Variants in CAPRIN1 observed in about 807,000 individuals in gnomAD.
CAPRIN1 encodes the protein caprin-1.
Under a neutral mutation model 100.9 loss-of-function variants are expected in CAPRIN1, and 29 were observed. The observed-to-expected ratio is 0.29, with a 90% CI of 0.21 to 0.39. The LOEUF (loss-of-function observed/expected upper bound fraction) is 0.39. CAPRIN1 is among the 10% of genes least tolerant of loss of function. CAPRIN1 has a pLI of 1.00. For missense variants in CAPRIN1, 795 were observed against 876.7 expected (o/e 0.91, Z 1.18); for synonymous variants, 338 against 307.5 (o/e 1.10, Z -1.04).
At chr11:34,079,928 T>G (rs1435857698) in intron 7 of CAPRIN1, among the ~76,000 whole-genome samples, 163 bp downstream of exon 7, 1 of 32,594 alleles carries the variant, frequency 3.1e-5, no homozygotes, top group African/African-American at 1.1e-4. Flanking sequence ...TTTTTTTTTT[T>G]TTTTTTTTTT....
At chr11:34,070,744 C>G (rs980909496) in intron 2 of CAPRIN1, among the ~76,000 whole-genome samples, 2 of 151,166 alleles carry the variant, frequency 1.3e-5, no homozygotes, top group African/African-American at 2.4e-5. Context: ...CTCTTGTTGC[C>G]CAGGCTGGAG....
rs753864151 is a variant in CAPRIN1 at position 34,090,268 on chromosome 11, G to T, written c.1383G>T (p.Lys461Asn). The T allele has an allele frequency of 6.2e-7, 1 of 1,613,274 alleles. No individual in the cohort carries two copies. The highest frequency in any genetic ancestry group is 1.3e-5 in the African/African-American group (1 of 74,992). The change falls in exon 13 of 19, where the codon AAG becomes AAT. Residue 461 changes from lysine to asparagine, a missense_variant. Transcript: ENST00000341394. ...PSHATEQRPQ[K>N]EPIDQIQATI... Reference sequence around the variant, plus strand: ...ATGCTACAGAGCAACGACCACAGAAGGAACCAATTGATCAGATTCAGGCAA... The same window carrying T: ...ATGCTACAGAGCAACGACCACAGAATGAACCAATTGATCAGATTCAGGCAA...
At chr11:34,068,178 T>C (rs771256233) in intron 2 of CAPRIN1, among the ~76,000 whole-genome samples, 5 of 152,198 alleles carry the variant, frequency 3.3e-5, no homozygotes, top group Non-Finnish European at 5.9e-5. Flanking sequence ...AAGAGGCCTT[T>C]CTTCATGGCA....
intron 2 of CAPRIN1, 76 bp from the exon 3 acceptor site, chr11:34,071,650 A>AG: frequency 1.0e-6 from 1 of 956,444 alleles, no homozygotes; most frequent in South Asian, 1.5e-5. Context: ...GAGGATTGTG[A>AG]GGGTTTTGTC....
chr11:34,083,624 T>C (rs1480200225), intron 9 of CAPRIN1, among the ~76,000 whole-genome samples: 1 of 152,240 alleles, frequency 6.6e-6, no homozygotes, highest in African/African-American at 2.4e-5. Flanking sequence ...TTGTTACCTG[T>C]AAGATACAGT....
At chr11:34,094,546 CA>C (rs1335233892) in intron 15 of CAPRIN1, among the ~76,000 whole-genome samples, 2 of 151,868 alleles carry the variant, frequency 1.3e-5, no homozygotes, top group African/African-American at 2.4e-5. Context: ...TGTGGTGGCT[CA>C]CGCCTGTAAT....
intron 2 of CAPRIN1, among the ~76,000 whole-genome samples, chr11:34,066,269 T>C (rs930272313): frequency 3.3e-5 from 5 of 152,170 alleles, no homozygotes; most frequent in Non-Finnish European, 7.4e-5. Flanking sequence ...GGATTACAGG[T>C]GTGAGCCACT....
intron 4 of CAPRIN1, among the ~76,000 whole-genome samples, chr11:34,074,310 C>T (rs963031162): frequency 1.3e-5 from 2 of 149,986 alleles, no homozygotes; most frequent in Admixed American, 6.6e-5. Flanking sequence ...TCTCTTGTAA[C>T]ACTGGTATTT....
rs1851456381 is a variant in CAPRIN1, at chr11:34,101,650, T to A, written c.*2283T>A. Among the ~76,000 whole-genome samples, 1 of 152,212 alleles carries A rather than the reference T, an allele frequency of 6.6e-6. No individual in the cohort carries two copies. The highest frequency in any genetic ancestry group is 2.1e-4 in the South Asian group (1 of 4,830). ...TTATTTTACCATCACAGTTTAAATGTATATCTTTTATGTCTCTACTCAGAC... is the reference window on the plus strand; with the variant it reads ...TTATTTTACCATCACAGTTTAAATGAATATCTTTTATGTCTCTACTCAGAC... On this transcript the variant is annotated 3_prime_UTR_variant, in exon 19 of 19. Coordinates refer to ENST00000341394, the MANE Select transcript of CAPRIN1 (RefSeq NM_005898.5).
At position 34,057,357 on chromosome 11, in the gene CAPRIN1, A is replaced by T. The variant is rs1463644625; in HGVS notation, c.216+4721A>T. Among the ~76,000 whole-genome samples the T allele has an allele frequency of 2.6e-5, 4 of 152,200 alleles. 1 individual carries two copies. In the East Asian group the frequency reaches 7.7e-4, roughly 29 times the overall value. ...TTAAAGCTGTGAATTCCCCCAAGTG[A>T]TAATGGGTACCTTTTTCTAGGGTGA... On this transcript the variant is annotated intron_variant, in intron 2 of 18. Transcript: ENST00000341394.
chr11:34,078,250 G>A (rs1195780819), intron 6 of CAPRIN1, among the ~76,000 whole-genome samples: 4 of 152,180 alleles, frequency 2.6e-5, no homozygotes, highest in Non-Finnish European at 5.9e-5. Context: ...CTAAAGAGTT[G>A]TTGGTAGTTT....
At chr11:34,061,103 C>A (rs75539849) in intron 2 of CAPRIN1, among the ~76,000 whole-genome samples, 9,639 of 149,912 alleles carry the variant, frequency 0.064, 389 homozygotes, top group Non-Finnish European at 0.092. Context: ...TGGCTTTTAT[C>A]TTTTTTAAAA....
chr11:34,083,011 G>C lies in CAPRIN1; in HGVS notation c.936G>C (p.Gln312His), dbSNP rs775290499. 6 of 1,614,002 alleles carry C rather than the reference G, an allele frequency of 3.7e-6. No homozygotes were observed. The highest frequency in any genetic ancestry group is 4.2e-6 in the Non-Finnish European group (5 of 1,179,890). ...AGTTCACCAGTGGTGAAAAGGAGCA[G>C]GTAGATGAGTGGACAGTTGAAACGG... The part of the protein sequence containing the change: ...ETQFTSGEKE[Q>H]VDEWTVETVE... Residue 312 changes from glutamine (Q) to histidine (H), a missense_variant, in exon 9 of 19, where the codon CAG becomes CAC. Gln to His is a conservative substitution (Grantham distance 24, BLOSUM62 0). Coordinates refer to ENST00000341394, the MANE Select transcript of CAPRIN1 (RefSeq NM_005898.5).
chr11:34,079,805 G>T, intron 7 of CAPRIN1, 40 bp downstream of exon 7: 1 of 1,569,466 alleles, frequency 6.4e-7, no homozygotes, highest in Non-Finnish European at 8.7e-7. Context: ...TTAGGGTCCT[G>T]GTTTTATTTG....
At chr11:34,057,361 T>C (rs1850473590) in intron 2 of CAPRIN1, among the ~76,000 whole-genome samples, 1 of 152,202 alleles carries the variant, frequency 6.6e-6, no homozygotes, top group African/African-American at 2.4e-5. Context: ...CAAGTGATAA[T>C]GGGTACCTTT....
chr11:34,056,683 AAG>A (rs1313984595), intron 2 of CAPRIN1: 2 of 152,230 alleles, frequency 1.3e-5, no homozygotes, highest in East Asian at 3.8e-4. Flanking sequence ...ATTTTAACTG[AAG>A]AGAGACCTCA....
intron 2 of CAPRIN1, chr11:34,053,249 T>G (rs560506305): frequency 1.6e-6 from 1 of 631,610 alleles, no homozygotes. Context: ...CCCGCGCCCA[T>G]GCGATGGGCT....
intron 2 of CAPRIN1, among the ~76,000 whole-genome samples, chr11:34,054,233 C>CT (rs1486915891): frequency 1.1e-5 from 1 of 90,884 alleles, no homozygotes; most frequent in Non-Finnish European, 3.3e-5. Flanking sequence ...TCTTTTTTTT[C>CT]CCAATCCTTT....
At chr11:34,090,854 A>G (rs1236056383) in intron 14 of CAPRIN1, among the ~76,000 whole-genome samples, 176 bp downstream of exon 14, 3 of 152,198 alleles carry the variant, frequency 2.0e-5, no homozygotes, top group Admixed American at 6.5e-5. Flanking sequence ...ATACTAACGG[A>G]TATTCTAGAG....
Sources: allele counts gnomAD v4.1 joint callset (sites outside exome capture counted in the v4.1 genomes callset), GRCh38; gene constraint gnomAD v4.1.1; transcripts MANE v1.5; gene names NCBI Gene and HGNC (gene_info 2026-07-23, HGNC 2026-07-21).